Variants in IGF2BP2 observed in about 807,000 individuals in gnomAD.
IGF2BP2 encodes insulin-like growth factor 2 mRNA-binding protein 2.
Under a neutral mutation model 75.8 loss-of-function variants are expected in IGF2BP2, and 17 were observed. The observed-to-expected ratio is 0.22, with a 90% CI of 0.15 to 0.34. IGF2BP2 has a LOEUF of 0.34. Ranked by LOEUF, IGF2BP2 falls within the 10% of genes least tolerant of loss-of-function variation. The pLI is 1.00. For synonymous variants in IGF2BP2, 288 were observed against 295.6 expected (o/e 0.97, Z 0.26); for missense variants, 516 against 772.4 (o/e 0.67, Z 3.93).
In IGF2BP2 at chr3:185,731,135, T is replaced by A. The variant is rs1295191576; in HGVS notation, c.240-32788A>T. 2.6e-5 allele frequency among the ~76,000 whole-genome samples: 4 copies of A among 152,232 alleles called. No homozygotes were observed. In the South Asian group the frequency reaches 8.3e-4, roughly 31 times the overall value. On this transcript the variant is annotated intron_variant, in intron 2 of 15. Transcript: ENST00000382199. ...AAAAGCTCTTTGGATTCCTCAGTAATTTTTAAGAGTATAAAGGGATACAGA... is the reference window on the plus strand; with the variant it reads ...AAAAGCTCTTTGGATTCCTCAGTAAATTTTAAGAGTATAAAGGGATACAGA...
intron 2 of IGF2BP2, among the ~76,000 whole-genome samples, chr3:185,732,191 T>C (rs188464029): frequency 1.2e-4 from 19 of 152,342 alleles, no homozygotes; most frequent in Admixed American, 5.2e-4. Flanking sequence ...GATGTTTGTT[T>C]ATGTGGCTTT....
At chr3:185,702,437 A>C (rs1295000647) in intron 2 of IGF2BP2, among the ~76,000 whole-genome samples, 1 of 152,216 alleles carries the variant, frequency 6.6e-6, no homozygotes, top group Non-Finnish European at 1.5e-5. Context: ...GCTTTAAAAA[A>C]ACCAAACACA....
In IGF2BP2 at chr3:185,675,412, A is replaced by G. The variant is rs2149236215; in HGVS notation, c.955T>C (p.Tyr319His). The G allele has an allele frequency of 1.2e-6, 2 of 1,611,738 alleles. No homozygotes were observed. Among genetic ancestry groups the G allele is most frequent in the Middle Eastern group, 1.7e-4 (1 of 5,960 alleles). Residue 319 changes from tyrosine to histidine, a missense_variant, in exon 9 of 16, where the codon TAC becomes CAC. This residue lies in a region of IGF2BP2 where 312 missense variants were observed against 474.5 expected (regional missense o/e 0.66). Transcript: ENST00000382199. Reference sequence around the variant, plus strand: ...ACAGTGATGGTTCTTTCCGGGTTGTATATGCTCAAATCCTGCAAACTGACC... The same window carrying G: ...ACAGTGATGGTTCTTTCCGGGTTGTGTATGCTCAAATCCTGCAAACTGACC... Reference protein sequence around the residue: ...TISSLQDLSIYNPERTITVKG... With the variant: ...TISSLQDLSIHNPERTITVKG...
At chr3:185,756,385 T>C (rs1731623558) in intron 2 of IGF2BP2, among the ~76,000 whole-genome samples, 1 of 152,222 alleles carries the variant, frequency 6.6e-6, no homozygotes, top group South Asian at 2.1e-4. Flanking sequence ...GGGTGTTCTT[T>C]TATAGCAATA....
rs1340925998 is a variant in IGF2BP2, at chr3:185,696,772, T to C, written c.289-109A>G. ...AATTAAAGGAAAAAAAAGATGGTTA[T>C]AGGAATAATCTAATTAAATTGATAT... On this transcript the variant is annotated intron_variant, in intron 3 of 15. Transcript: ENST00000382199. 8 of 898,742 alleles carry C rather than the reference T, an allele frequency of 8.9e-6. No homozygotes were observed. The Admixed American group carries it at 1.4e-4, about 16-fold the overall frequency. The allele number at this position is 898,742 out of a possible 1,614,324, so 55.7% of individuals were successfully genotyped here.
chr3:185,751,449 A>G (rs1327049635), intron 2 of IGF2BP2, among the ~76,000 whole-genome samples: 2 of 151,478 alleles, frequency 1.3e-5, no homozygotes, highest in Non-Finnish European at 2.9e-5. Context: ...ATGGTGGCGC[A>G]CGCCTGTAAT....
chr3:185,776,814 C>G (rs1734591609), intron 2 of IGF2BP2, among the ~76,000 whole-genome samples: 1 of 152,208 alleles, frequency 6.6e-6, no homozygotes, highest in African/African-American at 2.4e-5. Flanking sequence ...TTGTCAACAA[C>G]AACTTTCTCA....
chr3:185,662,969 C>T (rs1293097957), intron 10 of IGF2BP2, among the ~76,000 whole-genome samples: 1 of 152,208 alleles, frequency 6.6e-6, no homozygotes, highest in Non-Finnish European at 1.5e-5. Flanking sequence ...AGTGAGCCAC[C>T]ACACCCAGCC....
intron 2 of IGF2BP2, among the ~76,000 whole-genome samples, chr3:185,795,603 C>T (rs1271781163): frequency 6.6e-6 from 1 of 152,062 alleles, no homozygotes; most frequent in Non-Finnish European, 1.5e-5. Flanking sequence ...AAAATGAAGC[C>T]AGAAGCAGTG....
intron 2 of IGF2BP2, among the ~76,000 whole-genome samples, chr3:185,784,259 T>TAGAC (rs1215884183): frequency 3.7e-5 from 4 of 107,318 alleles, no homozygotes; most frequent in Non-Finnish European, 5.4e-5. Flanking sequence ...AGTAGATAGA[T>TAGAC]AGATAGATAG....
Position 185,672,549 on chromosome 3 carries a change from G to A in IGF2BP2, c.1192C>T (p.Pro398Ser), listed in dbSNP as rs192526034. 17 of 1,612,352 alleles carry A rather than the reference G, an allele frequency of 1.1e-5. No homozygotes were observed. The highest frequency in any genetic ancestry group is 1.4e-5 in the Non-Finnish European group (17 of 1,179,352). ...RGAPPAAPYH[P>S]FTTHSGYFSS... ...CAAGCTGAGCTACTTACAGTGAAGG[G>A]GTGGTAGGGGGCAGCGGGGGGAGCT... The change falls in exon 10 of 16, where the codon CCC becomes TCC. Residue 398 changes from proline (P) to serine (S), a missense_variant. By Grantham distance (74) the Pro-to-Ser change is moderately conservative. This residue lies in a region of IGF2BP2 where 75 missense variants were observed against 67.4 expected (regional missense o/e 1.11). Transcript: ENST00000382199.
chr3:185,793,390 T>G (rs900499112), intron 2 of IGF2BP2, among the ~76,000 whole-genome samples: 1 of 152,104 alleles, frequency 6.6e-6, no homozygotes, highest in African/African-American at 2.4e-5. Context: ...CCTAGCCCAG[T>G]AAAATGGTCT....
At chr3:185,757,515 A>G (rs1731788784) in intron 2 of IGF2BP2, among the ~76,000 whole-genome samples, 2 of 130,152 alleles carry the variant, frequency 1.5e-5, no homozygotes, top group African/African-American at 3.0e-5. Context: ...CCCAGCCTGG[A>G]GTGCAGTGGC....
At chr3:185,771,549 A>G (rs1733882958) in intron 2 of IGF2BP2, among the ~76,000 whole-genome samples, 2 of 152,190 alleles carry the variant, frequency 1.3e-5, no homozygotes, top group African/African-American at 4.8e-5. Context: ...AATCCATTTT[A>G]GAAAGACTGA....
At chr3:185,717,049 G>C (rs1725748272) in intron 2 of IGF2BP2, 1 of 314,776 alleles carries the variant, frequency 3.2e-6, no homozygotes, top group Non-Finnish European at 6.3e-6. Flanking sequence ...ATGGAACTGG[G>C]CCTCTCAATT....
At chr3:185,678,945 C>T (rs2149262240) in intron 7 of IGF2BP2, among the ~76,000 whole-genome samples, 1 of 152,238 alleles carries the variant, frequency 6.6e-6, no homozygotes, top group South Asian at 2.1e-4. Context: ...GCTACTCCTC[C>T]TCTCTTGTGG....
At chr3:185,671,697 A>C (rs1718541828) in intron 10 of IGF2BP2, among the ~76,000 whole-genome samples, 2 of 152,246 alleles carry the variant, frequency 1.3e-5, no homozygotes, top group South Asian at 4.1e-4. Flanking sequence ...GTCTCTCTAC[A>C]GATAACCCAA....
intron 2 of IGF2BP2, among the ~76,000 whole-genome samples, chr3:185,741,033 T>C (rs978972412): frequency 2.0e-5 from 3 of 152,238 alleles, no homozygotes; most frequent in Admixed American, 6.5e-5. Context: ...CATGCCACCA[T>C]GCCCGGCTAA....
intron 2 of IGF2BP2, among the ~76,000 whole-genome samples, chr3:185,703,799 AAG>A (rs1331361122): frequency 2.6e-5 from 4 of 152,136 alleles, no homozygotes; most frequent in Admixed American, 2.6e-4. Context: ...GAGAGAAAGA[AAG>A]AAAGCAAAAC....
Sources: gnomAD v4.1 joint callset for allele counts (sites outside exome capture counted in the v4.1 genomes callset) on GRCh38, gnomAD v4.1.1 for gene constraint, gnomAD v4.1.1 regional missense constraint, MANE v1.5 for transcripts, NCBI Gene and HGNC (gene_info 2026-07-23, HGNC 2026-07-21) for gene names.